Variants in GPC3 observed in about 807,000 individuals in gnomAD.
The protein encoded by GPC3 is glypican-3.
In GPC3, 3 loss-of-function variants were observed where a neutral mutation model predicts 34.4. That is an observed-to-expected ratio of 0.09 (90% CI 0.04 to 0.23). GPC3 has a LOEUF of 0.23. GPC3 is among the 10% of genes least tolerant of loss of function. The probability of loss-of-function intolerance (pLI) is 1.00; values close to 1 mark genes in which losing one functional copy is unlikely to be tolerated. For missense variants in GPC3, 351 were observed against 445.6 expected (o/e 0.79, Z 1.91); for synonymous variants, 177 against 174.0 (o/e 1.02, Z -0.13).
At chrX:133,657,667 C>A (rs980762361) in intron 6 of GPC3, among the ~76,000 whole-genome samples, 9 of 111,422 alleles carry the variant, frequency 8.1e-5, no homozygotes, top group African/African-American at 2.9e-4. Flanking sequence ...GGGGCCTGAG[C>A]CTGGCTCTGA....
At chrX:133,892,889 A>G (rs1329240535) in intron 2 of GPC3, among the ~76,000 whole-genome samples, 2 of 111,818 alleles carry the variant, frequency 1.8e-5, no homozygotes, top group Admixed American at 1.9e-4. Flanking sequence ...ATTTATATGC[A>G]TCTTGAATTA....
chrX:133,982,525 G>A (rs978167529), intron 1 of GPC3, among the ~76,000 whole-genome samples: 2 of 111,982 alleles, frequency 1.8e-5, no homozygotes, highest in African/African-American at 6.5e-5. Context: ...CAGCACCAGT[G>A]ATTTATTTTT....
intron 4 of GPC3, among the ~76,000 whole-genome samples, chrX:133,694,117 T>G (rs1358594070): frequency 2.7e-5 from 3 of 110,764 alleles, no homozygotes; most frequent in Non-Finnish European, 5.7e-5. Context: ...TCATCCAGTC[T>G]TAGGAATTCT....
chrX:133,844,757 T>C (rs772878289), intron 2 of GPC3, among the ~76,000 whole-genome samples: 3 of 112,045 alleles, frequency 2.7e-5, no homozygotes, highest in Non-Finnish European at 5.6e-5. Flanking sequence ...GTGGAGATTA[T>C]AGAAAGTGGA....
chrX:133,597,620 T>C (rs922049335), intron 6 of GPC3, among the ~76,000 whole-genome samples: 3 of 111,895 alleles, frequency 2.7e-5, no homozygotes, highest in African/African-American at 9.7e-5. Flanking sequence ...CCTATGTTTA[T>C]GTCATGGCTA....
chrX:133,909,823 C>G (rs2074148689), intron 2 of GPC3, among the ~76,000 whole-genome samples: 1 of 111,292 alleles, frequency 9.0e-6, no homozygotes, highest in Admixed American at 9.6e-5. Flanking sequence ...GACATTGACT[C>G]AAGGACTCCC....
chrX:133,922,551 C>A (rs1049253534), intron 2 of GPC3, among the ~76,000 whole-genome samples: 1 of 111,348 alleles, frequency 9.0e-6, no homozygotes, highest in Non-Finnish European at 1.9e-5. Context: ...CTGGTTTCCT[C>A]TTCCCTAGAG....
At chrX:133,617,187 C>G (rs1389474522) in intron 6 of GPC3, among the ~76,000 whole-genome samples, 2 of 112,088 alleles carry the variant, frequency 1.8e-5, no homozygotes, top group Non-Finnish European at 3.8e-5. Flanking sequence ...TCCAGGACAT[C>G]CAGCCAAACA....
chrX:133,810,904 A>G (rs1244659035), intron 2 of GPC3, among the ~76,000 whole-genome samples: 1 of 108,383 alleles, frequency 9.2e-6, no homozygotes, highest in East Asian at 2.9e-4. Flanking sequence ...CCTAGAAGAT[A>G]GAAGACCTAA....
chrX:133,693,200 T>A (rs865948951), intron 4 of GPC3, among the ~76,000 whole-genome samples: 34 of 91,914 alleles, frequency 3.7e-4, no homozygotes, highest in East Asian at 6.8e-4. Context: ...TGTGTGTGTG[T>A]GAGACAGAGA....
At chrX:133,900,554 CTTCT>C (rs2076139849) in intron 2 of GPC3, among the ~76,000 whole-genome samples, 1 of 111,279 alleles carries the variant, frequency 9.0e-6, no homozygotes, top group Admixed American at 9.6e-5. Flanking sequence ...AAGGGTTCAT[CTTCT>C]TTAACTTTTT....
intron 7 of GPC3, among the ~76,000 whole-genome samples, chrX:133,565,104 A>G (rs1226368671): frequency 8.9e-6 from 1 of 112,035 alleles, no homozygotes; most frequent in Admixed American, 9.5e-5. Flanking sequence ...TTAAACAAAT[A>G]TGTTTCTGCA....
intron 7 of GPC3, among the ~76,000 whole-genome samples, chrX:133,573,469 G>T (rs955841656): frequency 8.9e-6 from 1 of 111,891 alleles, no homozygotes; most frequent in Non-Finnish European, 1.9e-5. Context: ...AAGTAGAACT[G>T]TCTTTATTTG....
At chrX:133,555,034 G>T (rs1314025946) in intron 7 of GPC3, among the ~76,000 whole-genome samples, 1 of 112,195 alleles carries the variant, frequency 8.9e-6, no homozygotes, top group Non-Finnish European at 1.9e-5. Context: ...ACAGGGACAT[G>T]CCACTACACC....
intron 5 of GPC3, among the ~76,000 whole-genome samples, chrX:133,678,936 T>A (rs2070911674): frequency 8.9e-6 from 1 of 112,103 alleles, no homozygotes; most frequent in African/African-American, 3.2e-5. Flanking sequence ...TTTCTCCAAA[T>A]TCAATTCCCA....
chrX:133,881,700 T>C (rs761961221), intron 2 of GPC3, among the ~76,000 whole-genome samples: 1 of 112,145 alleles, frequency 8.9e-6, no homozygotes, highest in African/African-American at 3.2e-5. Flanking sequence ...AGTCCTTTTT[T>C]TCCCTCCCTC....
At chrX:133,962,521 C>T (rs1270566831) in intron 1 of GPC3, among the ~76,000 whole-genome samples, 1 of 111,639 alleles carries the variant, frequency 9.0e-6, no homozygotes, top group Non-Finnish European at 1.9e-5. Context: ...CACATACACG[C>T]ACATCATTGA....
chrX:133,728,596 C>T (rs1185049811), intron 3 of GPC3, among the ~76,000 whole-genome samples: 1 of 112,717 alleles, frequency 8.9e-6, no homozygotes, highest in Non-Finnish European at 1.9e-5. Context: ...CCTCTCAGCA[C>T]TGTATCTATG....
intron 2 of GPC3, among the ~76,000 whole-genome samples, chrX:133,834,664 C>T: frequency 8.9e-6 from 1 of 112,016 alleles, no homozygotes; most frequent in Non-Finnish European, 1.9e-5. Flanking sequence ...CAGAAAGCCA[C>T]ATATCAGGAC....
Sources: gnomAD v4.1 joint callset for allele counts (sites outside exome capture counted in the v4.1 genomes callset) on GRCh38, gnomAD v4.1.1 for gene constraint, MANE v1.5 for transcripts, NCBI Gene and HGNC (gene_info 2026-07-23, HGNC 2026-07-21) for gene names.